NFASC: variants seen among roughly 807,000 people sequenced by gnomAD.
NFASC encodes the protein neurofascin, also known as neurofascin homolog.
NFASC carries 43 observed loss-of-function variants against 147.5 expected under a neutral mutation model. The ratio of observed to expected loss-of-function variants is 0.29; its 90% CI spans 0.23 to 0.38. The LOEUF (loss-of-function observed/expected upper bound fraction) is 0.38. Among genes scored for constraint, NFASC ranks in the 10% least tolerant of loss-of-function variants. NFASC has a pLI of 1.00. For missense variants in NFASC, 1,320 were observed against 1,689.0 expected, an observed-to-expected ratio of 0.78 and a Z score of 3.83; for synonymous variants, 622 against 665.5, an observed-to-expected ratio of 0.93 and a Z score of 1.01.
chr1:204,887,265 G>T (rs1278301894), intron 1 of NFASC, among the ~76,000 whole-genome samples: 1 of 152,128 alleles, frequency 6.6e-6, no homozygotes, highest in African/African-American at 2.4e-5. Flanking sequence ...GTCCTTTTGT[G>T]AGTGGCTTAT....
intron 2 of NFASC, among the ~76,000 whole-genome samples, chr1:204,939,351 C>T (rs1028250190): frequency 1.4e-4 from 22 of 152,216 alleles, no homozygotes; most frequent in African/African-American, 3.9e-4. Context: ...TATTGTGGCA[C>T]GGCTGCATTT....
intron 17 of NFASC, among the ~76,000 whole-genome samples, chr1:204,978,003 C>G (rs979890790): frequency 6.6e-6 from 1 of 152,232 alleles, no homozygotes; most frequent in Non-Finnish European, 1.5e-5. Context: ...TCAGGGTGGC[C>G]TGTCCTCCCA....
intron 20 of NFASC, among the ~76,000 whole-genome samples, chr1:204,980,839 G>A (rs1450115167): frequency 6.6e-6 from 1 of 152,156 alleles, no homozygotes; most frequent in Non-Finnish European, 1.5e-5. Flanking sequence ...CTGGAGATTT[G>A]TGGGAGCTGG....
In NFASC at chr1:204,834,519, C is replaced by T. The variant is rs117323576; in HGVS notation, c.-200+5737C>T. Among the ~76,000 whole-genome samples, 533 of 152,262 alleles carry T rather than the reference C, an allele frequency of 3.5e-3. 10 individuals are homozygous for T. In the East Asian group the frequency reaches 0.069, roughly 20 times the overall value. The stretch of plus-strand genomic sequence containing the variant: ...CTGTCTTAGCATCTGCCTTCTCCTC[C>T]TTCACCTGCTCCTCCTCACTCCTCC... On this transcript the variant is annotated intron_variant, in intron 1 of 29. Transcript: ENST00000339876.
At chr1:204,976,611 T>C (rs2095410529) in intron 15 of NFASC, 60 bp from the exon 16 acceptor site, 1 of 1,287,996 alleles carries the variant, frequency 7.8e-7, no homozygotes, top group Non-Finnish European at 1.1e-6. Flanking sequence ...GAGAAAGCAA[T>C]GGGCAGGACT....
chr1:204,954,224 C>T lies in NFASC; in HGVS notation c.252C>T (p.Ile84=), dbSNP rs375752918. 5.6e-5 allele frequency: 91 copies of T among 1,614,200 alleles called. No individual in the cohort carries two copies. Among genetic ancestry groups the T allele is most frequent in the Middle Eastern group, 1.6e-4 (1 of 6,062 alleles). The stretch of plus-strand genomic sequence containing the variant: ...CACGAAACAGCAGATTCTTCAACAT[C>T]GCCAAGGACCCCCGGGTGTCCATGA... The part of the protein sequence containing the change: ...HWTRNSRFFN[I]AKDPRVSMRR... The change falls in exon 6 of 30, where the codon ATC becomes ATT. Residue 84 remains isoleucine (I), a synonymous_variant. Transcript: ENST00000339876. This position sits in a 1 kb window ranked among gnomAD's most constrained non-coding sequence, Gnocchi z 5.7.
In NFASC at chr1:205,009,663, G is replaced by A. The variant is rs1369216634; in HGVS notation, c.3396G>A (p.Lys1132=). The part of the protein sequence containing the change: ...VLILLIVCFI[K]RSRGGKYPVR... ...TCCTGCTCATCGTCTGTTTCATCAA[G>A]AGGAGTCGCGGCGGCAAGTACCCAG... Residue 1132 remains lysine, a synonymous_variant, in exon 28 of 30, where the codon AAG becomes AAA. Coordinates refer to ENST00000339876, the MANE Select transcript of NFASC (RefSeq NM_001005388.3). 4 of 1,614,126 alleles carry A rather than the reference G, an allele frequency of 2.5e-6. No individual in the cohort carries two copies. Among genetic ancestry groups the A allele is most frequent in the Non-Finnish European group, 3.4e-6 (4 of 1,180,030 alleles).
At chr1:204,891,529 G>A (rs932227392) in intron 1 of NFASC, among the ~76,000 whole-genome samples, 1 of 152,160 alleles carries the variant, frequency 6.6e-6, no homozygotes, top group Non-Finnish European at 1.5e-5. Context: ...CTAGGCATAC[G>A]TCGTGGCACT....
chr1:204,989,891 T>C (rs1365980310), intron 23 of NFASC: 3 of 152,246 alleles, frequency 2.0e-5, no homozygotes, highest in African/African-American at 7.2e-5. Flanking sequence ...TCGTGTCTGG[T>C]GCTTTCCACA....
intron 2 of NFASC, among the ~76,000 whole-genome samples, chr1:204,924,736 G>A (rs1364651381): frequency 1.3e-5 from 2 of 152,188 alleles, no homozygotes; most frequent in Admixed American, 1.3e-4. Context: ...CTAGGGTATG[G>A]TGTCTGCACA....
intron 25 of NFASC, chr1:205,000,842 G>A: frequency 6.2e-6 from 2 of 324,070 alleles, no homozygotes; most frequent in Non-Finnish European, 5.8e-6. Context: ...AAAAAAAACA[G>A]AAAACAAAAA....
intron 25 of NFASC, chr1:204,999,660 C>G (rs1006840134): frequency 6.7e-6 from 1 of 148,522 alleles, no homozygotes; most frequent in Non-Finnish European, 1.5e-5. Context: ...CTTTCTTGGT[C>G]CCTCACTTAA....
chr1:204,976,825 C>T (rs766070143), intron 16 of NFASC, 30 bp downstream of exon 16: 2 of 1,594,188 alleles, frequency 1.3e-6, no homozygotes, highest in East Asian at 2.3e-5. Context: ...CTGGCACTGA[C>T]CAGCCCCACC....
intron 1 of NFASC, among the ~76,000 whole-genome samples, chr1:204,889,623 T>G (rs963874658): frequency 4.6e-5 from 7 of 152,200 alleles, no homozygotes; most frequent in Admixed American, 6.5e-5. Context: ...GGGGACTTTG[T>G]GTTTCCCTTC....
At chr1:204,984,966 G>A (rs1308361496) in intron 21 of NFASC, among the ~76,000 whole-genome samples, 1 of 152,228 alleles carries the variant, frequency 6.6e-6, no homozygotes, top group Non-Finnish European at 1.5e-5. Flanking sequence ...CAGAGCAAGA[G>A]AGGCTAGTCT....
At chr1:204,836,812 G>T (rs1673924672) in intron 1 of NFASC, among the ~76,000 whole-genome samples, 1 of 152,226 alleles carries the variant, frequency 6.6e-6, no homozygotes, top group South Asian at 2.1e-4. Context: ...TGAAGCCTTT[G>T]TCATCCACAT....
chr1:204,901,754 T>C (rs949094883), intron 1 of NFASC, among the ~76,000 whole-genome samples: 3 of 151,972 alleles, frequency 2.0e-5, no homozygotes, highest in African/African-American at 7.3e-5. Context: ...TGTAAGCTTC[T>C]AGGAAAGAGC....
rs1404181039 is a variant in NFASC at position 204,987,530 on chromosome 1, A to G, written c.2583A>G (p.Lys861=). 3 of 1,614,138 alleles carry G rather than the reference A, an allele frequency of 1.9e-6. No individual in the cohort carries two copies. Among genetic ancestry groups the G allele is most frequent in the Admixed American group, 1.7e-5 (1 of 60,028 alleles). The part of the protein sequence containing the change: ...PNGIMIGYTL[K]YVAFNGTKVG... ...GGATCATGATTGGATACACTCTCAA[A>G]TATGTGGCCTGTACGTTCTGCCCTT... The change falls in exon 22 of 30, where the codon AAA becomes AAG. Residue 861 remains lysine, a synonymous_variant. Transcript: ENST00000339876. This position sits in a 1 kb window ranked among gnomAD's most constrained non-coding sequence, Gnocchi z 4.4.
At chr1:204,832,063 G>A (rs2102346922) in intron 1 of NFASC, among the ~76,000 whole-genome samples, 1 of 152,284 alleles carries the variant, frequency 6.6e-6, no homozygotes, top group South Asian at 2.1e-4. Flanking sequence ...TGACTCTCAG[G>A]AAAAGGGTAG....
Sources: allele counts gnomAD v4.1 joint callset (sites outside exome capture counted in the v4.1 genomes callset), GRCh38; gene constraint gnomAD v4.1.1; non-coding constraint Gnocchi (gnomAD v3.1); transcripts MANE v1.5; gene names NCBI Gene and HGNC (gene_info 2026-07-23, HGNC 2026-07-21).